The following TLN2 variants were observed in gnomAD, a reference collection of about 807,000 sequenced individuals.
The protein encoded by TLN2 is talin-2.
A neutral mutation model predicts 294.7 loss-of-function variants in TLN2; 118 were observed. The ratio of observed to expected loss-of-function variants is 0.40; its 90% confidence interval spans 0.34 to 0.47. The LOEUF is 0.47. Among genes scored for constraint, TLN2 ranks in the 20% least tolerant of loss-of-function variants. The pLI is 0.84. For synonymous variants in TLN2, 1,431 were observed against 1,304.5 expected (o/e 1.10, Z -2.09); for missense variants, 3,083 against 3,282.2 (o/e 0.94, Z 1.48).
intron 1 of TLN2, among the ~76,000 whole-genome samples, chr15:62,416,125 C>T (rs900664495): frequency 2.0e-5 from 3 of 152,038 alleles, no homozygotes; most frequent in Non-Finnish European, 4.4e-5. Context: ...ATGGGGAGAC[C>T]CTGTCTCTAC....
chr15:62,725,464 G>A (rs934632798), intron 27 of TLN2, among the ~76,000 whole-genome samples: 5 of 152,228 alleles, frequency 3.3e-5, no homozygotes, highest in South Asian at 2.1e-4. Context: ...GATGGACAAC[G>A]GCAAAGTGCG....
At chr15:62,622,689 C>T (rs990028694) in intron 3 of TLN2, among the ~76,000 whole-genome samples, 29 of 152,162 alleles carry the variant, frequency 1.9e-4, no homozygotes, top group African/African-American at 7.0e-4. Flanking sequence ...CACATACATT[C>T]ACTGAGTTAA....
chr15:62,792,601 A>G (rs373930279), intron 45 of TLN2, 40 bp from the exon 46 acceptor site: 6 of 1,605,150 alleles, frequency 3.7e-6, no homozygotes, highest in Non-Finnish European at 5.1e-6. Context: ...GGCAGAGTCC[A>G]TCACGCTTCT....
At chr15:62,597,525 C>T (rs779150963) in intron 2 of TLN2, among the ~76,000 whole-genome samples, 5 of 152,118 alleles carry the variant, frequency 3.3e-5, no homozygotes, top group South Asian at 2.1e-4. Context: ...CTCAGGAGCC[C>T]GCTTTGTTTC....
At chr15:62,508,134 G>A (rs1291531857) in intron 1 of TLN2, among the ~76,000 whole-genome samples, 3 of 152,090 alleles carry the variant, frequency 2.0e-5, no homozygotes, top group African/African-American at 7.2e-5. Context: ...CCATTTAATC[G>A]TGGTGGTAAA....
At chr15:62,446,593 C>G (rs1344935546) in intron 1 of TLN2, among the ~76,000 whole-genome samples, 1 of 152,090 alleles carries the variant, frequency 6.6e-6, no homozygotes, top group East Asian at 1.9e-4. Context: ...TTTGGATGAT[C>G]CGTTTTACAT....
In TLN2 at chr15:62,717,637, C is replaced by A; in HGVS notation, c.2825C>A (p.Ala942Asp). ...TQTIAASQNA[A>D]VSNKNPAAQQ... Reference sequence around the variant, plus strand: ...ACCATCGCCGCCTCCCAGAATGCAGCTGTTTCCAACAAGAACCCTGCGGCC... The same window carrying A: ...ACCATCGCCGCCTCCCAGAATGCAGATGTTTCCAACAAGAACCCTGCGGCC... The change falls in exon 24 of 59, where the codon GCT (alanine) becomes GAT (aspartate). Residue 942 changes from alanine (A) to aspartate (D), a missense_variant. Coordinates refer to ENST00000636159, the MANE Select transcript of TLN2 (RefSeq NM_015059.3). 1 of 1,605,764 alleles carries A rather than the reference C, an allele frequency of 6.2e-7. No homozygotes were observed. Among genetic ancestry groups the A allele is most frequent in the East Asian group, 2.2e-5 (1 of 44,536 alleles).
At chr15:62,673,997 T>A in intron 10 of TLN2, 107 bp downstream of exon 10, 1 of 721,114 alleles carries the variant, frequency 1.4e-6, no homozygotes, top group Non-Finnish European at 2.3e-6. Flanking sequence ...GCCTGTACTC[T>A]GATATAATAA....
chr15:62,663,975 G>C (rs955229395), intron 9 of TLN2, among the ~76,000 whole-genome samples: 1 of 151,906 alleles, frequency 6.6e-6, no homozygotes, highest in Non-Finnish European at 1.5e-5. Context: ...GAATGGTAAA[G>C]ACTAATTGAA....
intron 9 of TLN2, among the ~76,000 whole-genome samples, chr15:62,659,583 G>A (rs1221914741): frequency 6.6e-6 from 1 of 152,190 alleles, no homozygotes; most frequent in Non-Finnish European, 1.5e-5. Context: ...TCACACTCCA[G>A]CAACAGTATT....
chr15:62,675,453 T>C lies in TLN2; in HGVS notation c.957+132T>C, dbSNP rs565541970. 4.1e-5 allele frequency: 35 copies of C among 851,550 alleles called. No individual in the cohort carries two copies. In the East Asian group the frequency reaches 8.0e-4, roughly 20 times the overall value. The allele number at this position is 851,550 out of a possible 1,614,324, so 52.7% of individuals were successfully genotyped here. On this transcript the variant is annotated intron_variant, in intron 11 of 58. Coordinates refer to ENST00000636159, the MANE Select transcript of TLN2 (RefSeq NM_015059.3). ...TGCGGGTGGAACATCTGGCTAGTGC[T>C]GACCTGCGTTTAGCTGCCGCACAGG...
intron 42 of TLN2, among the ~76,000 whole-genome samples, chr15:62,775,339 T>C (rs11635027): frequency 0.61 from 91,937 of 151,912 alleles, 28,744 homozygotes; most frequent in Non-Finnish European, 0.68. Flanking sequence ...GGAGAGTAGG[T>C]CCAAGAGGTA....
chr15:62,748,497 G>A, intron 33 of TLN2, 53 bp downstream of exon 33: 3 of 1,290,866 alleles, frequency 2.3e-6, no homozygotes, highest in East Asian at 2.3e-5. Context: ...GTCTGTGTCT[G>A]TGTGTCTGTG....
At chr15:62,452,361 A>G (rs574328872) in intron 1 of TLN2, among the ~76,000 whole-genome samples, 59 of 152,352 alleles carry the variant, frequency 3.9e-4, no homozygotes, top group African/African-American at 1.4e-3. Context: ...CCGTGAAGTT[A>G]GAGATGAATT....
chr15:62,475,074 G>A (rs2037712871), intron 1 of TLN2, among the ~76,000 whole-genome samples: 1 of 152,038 alleles, frequency 6.6e-6, no homozygotes, highest in Non-Finnish European at 1.5e-5. Context: ...GTGAGGGTGG[G>A]GTATTTGGCT....
At chr15:62,706,442 G>T (rs1365918644) in intron 19 of TLN2, among the ~76,000 whole-genome samples, 1 of 152,220 alleles carries the variant, frequency 6.6e-6, no homozygotes, top group Admixed American at 6.5e-5. Flanking sequence ...TCTGCTTTCT[G>T]TAATAATTTA....
intron 1 of TLN2, among the ~76,000 whole-genome samples, chr15:62,403,205 G>A (rs1320029655): frequency 2.0e-5 from 3 of 149,502 alleles, no homozygotes; most frequent in Non-Finnish European, 4.4e-5. Flanking sequence ...GTGACAAAGC[G>A]AGACTCCATC....
chr15:62,537,968 TC>T lies in TLN2; in HGVS notation c.-237-51718del, dbSNP rs1255256724. On this transcript the variant is annotated intron_variant, in intron 1 of 58. Transcript: ENST00000636159. ...TGGTCGTGGTGGCTCACGTCTGTAA[TC>T]GCAGCACTTTAGGAGGCTGAGGCGG... is the stretch of plus-strand genomic sequence containing the variant. 3.3e-5 allele frequency among the ~76,000 whole-genome samples: 5 copies of T among 152,300 alleles called. No homozygotes were observed. In the East Asian group the frequency reaches 9.6e-4, roughly 29 times the overall value.
At chr15:62,617,681 T>G (rs1313368492) in intron 2 of TLN2, among the ~76,000 whole-genome samples, 1 of 152,198 alleles carries the variant, frequency 6.6e-6, no homozygotes, top group Non-Finnish European at 1.5e-5. Context: ...TCTGTCTGTT[T>G]GAAGTGTCTG....
Sources: gnomAD v4.1 joint callset for allele counts (sites outside exome capture counted in the v4.1 genomes callset) on GRCh38, gnomAD v4.1.1 for gene constraint, MANE v1.5 for transcripts, NCBI Gene and HGNC (gene_info 2026-07-23, HGNC 2026-07-21) for gene names.